Variants in CATSPERB observed in about 807,000 individuals in gnomAD.
CATSPERB encodes the protein cation channel sperm-associated auxiliary subunit beta.
CATSPERB carries 93 observed loss-of-function variants against 128.3 expected under a neutral mutation model. The observed-to-expected ratio is 0.72, with a 90% CI of 0.61 to 0.86. The LOEUF (loss-of-function observed/expected upper bound fraction) is 0.86. CATSPERB is among the 40% of genes least tolerant of loss of function. CATSPERB has a pLI of 0.00. For synonymous variants in CATSPERB, 381 were observed against 448.8 expected (o/e 0.85, Z 1.91); for missense variants, 1,153 against 1,329.5 (o/e 0.87, Z 2.06).
chr14:91,591,603 T>C (rs367601382), intron 23 of CATSPERB, among the ~76,000 whole-genome samples: 1 of 151,784 alleles, frequency 6.6e-6, no homozygotes, highest in Non-Finnish European at 1.5e-5. Context: ...ACAAGTTGCT[T>C]TCGTATACAC....
At chr14:91,594,402 C>T (rs955045263) in intron 22 of CATSPERB, among the ~76,000 whole-genome samples, 6 of 151,742 alleles carry the variant, frequency 4.0e-5, no homozygotes, top group South Asian at 4.2e-4. Flanking sequence ...GGGTGCAGCA[C>T]ACCAACATGG....
At chr14:91,680,840 C>A (rs1046347813) in intron 11 of CATSPERB, among the ~76,000 whole-genome samples, 1 of 152,126 alleles carries the variant, frequency 6.6e-6, no homozygotes, top group Non-Finnish European at 1.5e-5. Flanking sequence ...AAGGGAACCC[C>A]AAGAAAAACC....
chr14:91,653,518 A>T (rs1894742422), intron 15 of CATSPERB, among the ~76,000 whole-genome samples: 1 of 151,484 alleles, frequency 6.6e-6, no homozygotes, highest in Non-Finnish European at 1.5e-5. Flanking sequence ...AATTAGACTT[A>T]CAGTTCCACA....
intron 1 of CATSPERB, among the ~76,000 whole-genome samples, chr14:91,730,617 A>T (rs927846703): frequency 6.6e-6 from 1 of 152,178 alleles, no homozygotes; most frequent in Non-Finnish European, 1.5e-5. Flanking sequence ...GCTATTAGTA[A>T]TAAAGTCCTT....
intron 26 of CATSPERB, among the ~76,000 whole-genome samples, chr14:91,586,468 G>A (rs560203298): frequency 2.6e-5 from 4 of 151,666 alleles, no homozygotes; most frequent in South Asian, 4.2e-4. Flanking sequence ...TTAGAGGTTT[G>A]CACTGCTGCA....
chr14:91,696,138 G>C (rs150515926), intron 7 of CATSPERB, among the ~76,000 whole-genome samples: 1 of 152,334 alleles, frequency 6.6e-6, no homozygotes, highest in African/African-American at 2.4e-5. Context: ...CAGCAATATA[G>C]ATTTGGGAAT....
chr14:91,624,753 G>T, intron 18 of CATSPERB, 67 bp downstream of exon 18: 1 of 1,172,532 alleles, frequency 8.5e-7, no homozygotes, highest in Non-Finnish European at 1.2e-6. Context: ...GCATTAAAAT[G>T]CCTTCACAAA....
At chr14:91,685,228 C>T (rs959189368) in intron 10 of CATSPERB, among the ~76,000 whole-genome samples, 2 of 152,110 alleles carry the variant, frequency 1.3e-5, no homozygotes, top group African/African-American at 4.8e-5. Context: ...TGACTGGCCG[C>T]CAACGAATTT....
At chr14:91,646,197 C>T (rs532411229) in intron 15 of CATSPERB, 5 of 159,326 alleles carry the variant, frequency 3.1e-5, no homozygotes, top group Admixed American at 6.5e-5. Flanking sequence ...AGCTGTAGAC[C>T]GGAGCTGTTC....
rs1893352303 is a variant in CATSPERB at position 91,589,025 on chromosome 14, CA to C, written c.2956+508del. Among the ~76,000 whole-genome samples the C allele has an allele frequency of 2.0e-5, 3 of 152,162 alleles. No homozygotes were observed. The South Asian group carries it at 6.2e-4, about 31-fold the overall frequency. ...TCATACGTGAACACAAAATGTGCAACAAAAAGTTACATATCTGAGGTAAAGT... is the reference window on the plus strand; with the variant it reads ...TCATACGTGAACACAAAATGTGCAACAAAAGTTACATATCTGAGGTAAAGT... On this transcript the variant is annotated intron_variant, in intron 24 of 26. Transcript: ENST00000256343.
intron 5 of CATSPERB, among the ~76,000 whole-genome samples, chr14:91,714,277 C>CAAAAAAAAAAAAAAAAAAA (rs35951126): frequency 2.7e-5 from 3 of 111,292 alleles, no homozygotes; most frequent in African/African-American, 3.6e-5. Flanking sequence ...TACAATAAGG[C>CAAAAAAAAAAAAAAAAAAA]AAAAAAAAAA....
chr14:91,686,246 C>A (rs1432856941), intron 10 of CATSPERB, among the ~76,000 whole-genome samples: 1 of 152,128 alleles, frequency 6.6e-6, no homozygotes, highest in Non-Finnish European at 1.5e-5. Flanking sequence ...AATGATCTAG[C>A]CCCCTCAGTT....
chr14:91,623,522 T>C lies in CATSPERB; in HGVS notation c.1930+1298A>G, dbSNP rs192340690. Among the ~76,000 whole-genome samples, 792 of 152,344 alleles carry C rather than the reference T, an allele frequency of 5.2e-3. 4 individuals carry two copies. Among genetic ancestry groups the C allele is most frequent in the Non-Finnish European group, 9.1e-3 (621 of 68,028 alleles). ...TGCTGAAAGTCCTCAAATCTGTGTC[T>C]CTAGCCCAGCCATCTTCCCTGAACT... On this transcript the variant is annotated intron_variant, in intron 18 of 26. Transcript: ENST00000256343.
At position 91,693,069 on chromosome 14, in the gene CATSPERB, T is replaced by G. The variant is rs113351442; in HGVS notation, c.831+57A>C. On this transcript the variant is annotated intron_variant, in intron 9 of 26. Coordinates refer to ENST00000256343, the MANE Select transcript of CATSPERB (RefSeq NM_024764.4). ...CATAACTCAAGTATTAAATATTTCT[T>G]TTTGTGTCACAGAAGATATTTAAGA... 819 of 1,181,000 alleles carry G rather than the reference T, an allele frequency of 6.9e-4. 6 individuals are homozygous for G. The African/African-American group carries it at 0.011, about 16-fold the overall frequency. 73.2% of individuals were successfully genotyped at this position (1,181,000 alleles called of 1,614,324 possible). A position where few individuals can be genotyped will look rare whatever the true frequency, so the allele number is the denominator to read the frequency against.
At chr14:91,583,368 G>A (rs987705021) in intron 26 of CATSPERB, among the ~76,000 whole-genome samples, 5 of 152,066 alleles carry the variant, frequency 3.3e-5, no homozygotes, top group East Asian at 1.9e-4. Flanking sequence ...GCAGTGAGCC[G>A]AGATCGTGCC....
At chr14:91,637,543 C>T (rs1350302512) in intron 16 of CATSPERB, among the ~76,000 whole-genome samples, 1 of 152,154 alleles carries the variant, frequency 6.6e-6, no homozygotes, top group African/African-American at 2.4e-5. Flanking sequence ...TGGCTAAGAG[C>T]ACAGGCCCCG....
chr14:91,721,931 T>A (rs1896040700), intron 4 of CATSPERB, among the ~76,000 whole-genome samples: 1 of 151,582 alleles, frequency 6.6e-6, no homozygotes, highest in Admixed American at 6.6e-5. Context: ...GGTGTGCTGG[T>A]GTGCACTTGT....
intron 17 of CATSPERB, chr14:91,635,812 G>A (rs1170960222): frequency 6.6e-6 from 1 of 152,182 alleles, no homozygotes; most frequent in East Asian, 1.9e-4. Context: ...TGGTCTCTAG[G>A]ATATACAAGA....
At chr14:91,666,274 C>T (rs1009880072) in intron 14 of CATSPERB, among the ~76,000 whole-genome samples, 4 of 152,200 alleles carry the variant, frequency 2.6e-5, no homozygotes, top group African/African-American at 7.2e-5. Flanking sequence ...GACATTAAAA[C>T]GGCTGCGGGG....
Sources: gnomAD v4.1 joint callset for allele counts (sites outside exome capture counted in the v4.1 genomes callset) on GRCh38, gnomAD v4.1.1 for gene constraint, MANE v1.5 for transcripts, NCBI Gene and HGNC (gene_info 2026-07-23, HGNC 2026-07-21) for gene names.